Variants in ASAP1 observed in about 807,000 individuals in gnomAD.
ASAP1 encodes ArfGAP with SH3 domain, ankyrin repeat and PH domain 1.
ASAP1 carries 43 observed loss-of-function variants against 145.2 expected under a neutral mutation model. The observed-to-expected ratio is 0.30, with a 90% confidence interval of 0.23 to 0.38. The LOEUF (loss-of-function observed/expected upper bound fraction) is 0.38, where lower values mean the gene tolerates loss of function less well. Among genes scored for constraint, ASAP1 ranks in the 10% least tolerant of loss-of-function variants. The pLI is 1.00. For synonymous variants in ASAP1, 546 were observed against 515.5 expected (o/e 1.06, Z -0.80); for missense variants, 1,018 against 1,355.3 (o/e 0.75, Z 3.91).
rs1404411076 is a variant in ASAP1, at chr8:130,358,616, G to C, written c.60-473C>G. On this transcript the variant is annotated intron_variant, in intron 2 of 29. Coordinates refer to ENST00000518721, the MANE Select transcript of ASAP1 (RefSeq NM_018482.4). This position sits in a 1 kb window ranked among gnomAD's most constrained non-coding sequence, Gnocchi z 4.1. ...TGACTGAGCGCACACTCCCGCGGCG[G>C]GCGGGCGGGCGGGCGGCGCTCGCGC... Among the ~76,000 whole-genome samples the C allele has an allele frequency of 2.0e-5, 3 of 147,032 alleles. No individual in the cohort carries two copies. The highest frequency in any genetic ancestry group is 7.3e-5 in the African/African-American group (3 of 40,850).
At chr8:130,176,453 C>T (rs1813958563) in intron 9 of ASAP1, among the ~76,000 whole-genome samples, 1 of 152,122 alleles carries the variant, frequency 6.6e-6, no homozygotes, top group Non-Finnish European at 1.5e-5. Context: ...GTTGAATCCC[C>T]TTATAACATG....
intron 5 of ASAP1, among the ~76,000 whole-genome samples, chr8:130,202,427 T>C (rs1205707884): frequency 1.3e-5 from 2 of 152,142 alleles, no homozygotes; most frequent in Non-Finnish European, 2.9e-5. Context: ...AAAATGACAG[T>C]CTTAGCACAG....
intron 5 of ASAP1, among the ~76,000 whole-genome samples, chr8:130,213,222 AAAATAAT>A: frequency 6.6e-6 from 1 of 152,374 alleles, no homozygotes; most frequent in South Asian, 2.1e-4. Context: ...GAAGTTTTTG[AAAATAAT>A]AAATAATTCT....
chr8:130,432,699 C>A (rs1378942198), intron 1 of ASAP1, among the ~76,000 whole-genome samples: 1 of 152,108 alleles, frequency 6.6e-6, no homozygotes, highest in South Asian at 2.1e-4. Flanking sequence ...CACATGCTAA[C>A]CCCAGTACGT....
At chr8:130,335,753 G>T (rs1342432716) in intron 3 of ASAP1, among the ~76,000 whole-genome samples, 2 of 152,202 alleles carry the variant, frequency 1.3e-5, no homozygotes, top group Non-Finnish European at 2.9e-5. Context: ...GTCAGGGAGA[G>T]ATAGTCTGAG....
At chr8:130,380,731 T>G (rs1346121243) in intron 2 of ASAP1, among the ~76,000 whole-genome samples, 1 of 152,176 alleles carries the variant, frequency 6.6e-6, no homozygotes, top group Admixed American at 6.5e-5. Context: ...ATGAAATTAA[T>G]TTAATTTTTT....
At chr8:130,168,332 CA>C (rs2097684278) in intron 10 of ASAP1, among the ~76,000 whole-genome samples, 1 of 151,834 alleles carries the variant, frequency 6.6e-6, no homozygotes, top group African/African-American at 2.4e-5. Context: ...ATGCAAAAAA[CA>C]AAACAAAACA....
chr8:130,333,903 T>C (rs1824861610), intron 3 of ASAP1, among the ~76,000 whole-genome samples: 1 of 152,208 alleles, frequency 6.6e-6, no homozygotes, highest in South Asian at 2.1e-4. Flanking sequence ...GGGAACCCCG[T>C]GAAGCCTCAT....
At chr8:130,136,634 G>A (rs149094238) in intron 14 of ASAP1, among the ~76,000 whole-genome samples, 12 of 151,858 alleles carry the variant, frequency 7.9e-5, no homozygotes, top group African/African-American at 2.7e-4. Flanking sequence ...GACAGAAATG[G>A]GAATATACTA....
At chr8:130,204,515 T>A (rs1816078322) in intron 5 of ASAP1, among the ~76,000 whole-genome samples, 2 of 152,282 alleles carry the variant, frequency 1.3e-5, no homozygotes, top group Admixed American at 1.3e-4. Flanking sequence ...AGGCAGAGGA[T>A]AATGCTCACC....
chr8:130,179,008 A>G (rs1814164632), intron 9 of ASAP1: 1 of 335,114 alleles, frequency 3.0e-6, no homozygotes, highest in Non-Finnish European at 5.5e-6. Context: ...AGGCGATCAA[A>G]TTTAGGAAGA....
intron 3 of ASAP1, among the ~76,000 whole-genome samples, chr8:130,277,923 G>A (rs566725100): frequency 1.2e-4 from 19 of 152,122 alleles, no homozygotes; most frequent in Non-Finnish European, 2.4e-4. Flanking sequence ...GGAGCCTCTC[G>A]GGAGGACCTC....
intron 3 of ASAP1, among the ~76,000 whole-genome samples, chr8:130,291,619 A>G (rs149211997): frequency 2.8e-3 from 419 of 152,328 alleles, no homozygotes; most frequent in African/African-American, 7.9e-3. Context: ...GAGGAGGCTG[A>G]TAAGTTTGAC....
chr8:130,323,977 TAA>T (rs1279392246), intron 3 of ASAP1, among the ~76,000 whole-genome samples: 2 of 152,240 alleles, frequency 1.3e-5, no homozygotes, highest in Non-Finnish European at 2.9e-5. Flanking sequence ...CAGGGCTTCC[TAA>T]CAATACTACT....
At chr8:130,128,158 T>A in intron 15 of ASAP1, 68 bp from the exon 16 acceptor site, 1 of 918,692 alleles carries the variant, frequency 1.1e-6, no homozygotes, top group East Asian at 5.0e-5. Flanking sequence ...TTTTTTTTTT[T>A]TTTTTTGCCA....
chr8:130,267,156 A>C (rs187449527), intron 3 of ASAP1, among the ~76,000 whole-genome samples: 55 of 152,076 alleles, frequency 3.6e-4, no homozygotes, highest in African/African-American at 1.2e-3. Context: ...CAAAACAAAA[A>C]AAAACTAGTA....
At chr8:130,265,262 C>A (rs1308806552) in intron 3 of ASAP1, among the ~76,000 whole-genome samples, 1 of 152,056 alleles carries the variant, frequency 6.6e-6, no homozygotes, top group African/African-American at 2.4e-5. Flanking sequence ...CATACTTTCC[C>A]CAAAACAAGA....
At chr8:130,138,562 C>A (rs1002658608) in intron 13 of ASAP1, among the ~76,000 whole-genome samples, 1 of 152,098 alleles carries the variant, frequency 6.6e-6, no homozygotes, top group South Asian at 2.1e-4. Flanking sequence ...AAGAGCCAGA[C>A]GAGGTGGCTC....
At chr8:130,214,842 A>AGG in intron 4 of ASAP1, 141 bp from the exon 5 acceptor site, 1 of 657,358 alleles carries the variant, frequency 1.5e-6, no homozygotes, top group East Asian at 2.8e-5. Flanking sequence ...CCCAAAGGTT[A>AGG]GGTTAGGAGT....
Sources: allele counts gnomAD v4.1 joint callset (sites outside exome capture counted in the v4.1 genomes callset), GRCh38; gene constraint gnomAD v4.1.1; non-coding constraint Gnocchi (gnomAD v3.1); transcripts MANE v1.5; gene names NCBI Gene and HGNC (gene_info 2026-07-23, HGNC 2026-07-21).